The following SYCP1 variants were observed in gnomAD, a reference collection of about 807,000 sequenced individuals.
The protein encoded by SYCP1 is cancer/testis antigen 8.
Under a neutral mutation model 153.1 loss-of-function variants are expected in SYCP1, and 64 were observed. The observed-to-expected ratio is 0.42, with a 90% CI of 0.34 to 0.51. The LOEUF is 0.51. Ranked by LOEUF, SYCP1 falls within the 20% of genes least tolerant of loss-of-function variation. The pLI is 0.06. For missense variants in SYCP1, 997 were observed against 1,049.0 expected, an observed-to-expected ratio of 0.95 and a Z score of 0.68; for synonymous variants, 384 against 341.8, an observed-to-expected ratio of 1.12 and a Z score of -1.36.
At chr1:114,930,494 C>T (rs1669555012) in intron 23 of SYCP1, among the ~76,000 whole-genome samples, 3 of 151,754 alleles carry the variant, frequency 2.0e-5, no homozygotes, top group African/African-American at 7.3e-5. Flanking sequence ...ATAGATAATA[C>T]AAGCATTAAA....
intron 22 of SYCP1, 66 bp downstream of exon 22, chr1:114,926,406 T>A (rs1422419868): frequency 6.7e-7 from 1 of 1,488,624 alleles, no homozygotes; most frequent in Non-Finnish European, 9.0e-7. Flanking sequence ...TAGAGAATAA[T>A]GCTTTCCCTT....
intron 16 of SYCP1, among the ~76,000 whole-genome samples, chr1:114,897,371 T>C (rs1294601355): frequency 6.6e-6 from 1 of 152,070 alleles, no homozygotes; most frequent in Non-Finnish European, 1.5e-5. Flanking sequence ...TTAGAAAATA[T>C]GTATCAAAAT....
At chr1:114,873,880 T>A (rs1183505215) in intron 8 of SYCP1, among the ~76,000 whole-genome samples, 2 of 152,170 alleles carry the variant, frequency 1.3e-5, no homozygotes, top group Non-Finnish European at 2.9e-5. Flanking sequence ...TATAGGCATG[T>A]GGTACTATGC....
At chr1:114,892,723 TGCTGTTGGTAGGG>T (rs1666804509) in intron 15 of SYCP1, among the ~76,000 whole-genome samples, 1 of 152,106 alleles carries the variant, frequency 6.6e-6, no homozygotes, top group Non-Finnish European at 1.5e-5. Context: ...GCTGCAGTCC[TGCTGTTGGTAGGG>T]GGCAGGGTTG....
At chr1:114,932,849 G>C (rs1669728680) in intron 23 of SYCP1, among the ~76,000 whole-genome samples, 1 of 152,210 alleles carries the variant, frequency 6.6e-6, no homozygotes, top group African/African-American at 2.4e-5. Context: ...CAGTGAGACT[G>C]GGGGAGGGGC....
At chr1:114,987,876 A>C (rs567103451) in intron 30 of SYCP1, among the ~76,000 whole-genome samples, 127 of 151,968 alleles carry the variant, frequency 8.4e-4, no homozygotes, top group Non-Finnish European at 1.4e-3. Flanking sequence ...AGAAAAAAAA[A>C]CCCTAATTTT....
intron 16 of SYCP1, among the ~76,000 whole-genome samples, chr1:114,909,209 A>C (rs1481060899): frequency 1.3e-5 from 2 of 152,042 alleles, no homozygotes; most frequent in Admixed American, 6.6e-5. Flanking sequence ...ATATTCTGGC[A>C]GCTGGTTGTG....
chr1:114,950,144 A>C (rs1280058758), intron 27 of SYCP1, among the ~76,000 whole-genome samples: 1 of 152,234 alleles, frequency 6.6e-6, no homozygotes, highest in Admixed American at 6.5e-5. Flanking sequence ...GAATGTGAGC[A>C]AAAGTGGCTT....
At chr1:114,964,537 T>A (rs1671984091) in intron 27 of SYCP1, among the ~76,000 whole-genome samples, 1 of 152,200 alleles carries the variant, frequency 6.6e-6, no homozygotes, top group South Asian at 2.1e-4. Context: ...TAATCCATCT[T>A]GAGTTAATTT....
At chr1:114,901,726 G>C (rs1039656244) in intron 16 of SYCP1, among the ~76,000 whole-genome samples, 7 of 152,176 alleles carry the variant, frequency 4.6e-5, no homozygotes, top group African/African-American at 1.7e-4. Context: ...AGCTTAAGAC[G>C]AACCTCACAA....
At position 114,866,924 on chromosome 1, in the gene SYCP1, A is replaced by G. The variant is rs191565462; in HGVS notation, c.598+6115A>G. Among the ~76,000 whole-genome samples the G allele has an allele frequency of 3.6e-3, 536 of 149,978 alleles. 3 individuals are homozygous for G. Among genetic ancestry groups the G allele is most frequent in the Non-Finnish European group, 4.3e-3 (289 of 67,538 alleles). On this transcript the variant is annotated intron_variant, in intron 8 of 31. Coordinates refer to ENST00000369522, the MANE Select transcript of SYCP1 (RefSeq NM_003176.4). ...ATTCTTTTTTTTTTTTTGCATGCAG[A>G]TGTCCACTTGTTTCAGCATCATTTG... is the stretch of plus-strand genomic sequence containing the variant.
intron 27 of SYCP1, among the ~76,000 whole-genome samples, chr1:114,975,417 C>T (rs967420040): frequency 2.7e-5 from 4 of 150,296 alleles, no homozygotes; most frequent in Admixed American, 2.0e-4. Context: ...TATTGATTAC[C>T]TTTATATTTT....
At chr1:114,911,086 T>G (rs360658) in intron 17 of SYCP1, among the ~76,000 whole-genome samples, 58,448 of 151,762 alleles carry the variant, frequency 0.39, 12,499 homozygotes, top group East Asian at 0.5. Context: ...TTTACAATAA[T>G]AAGAACATTA....
chr1:114,941,747 C>T (rs1670405113), intron 23 of SYCP1, among the ~76,000 whole-genome samples: 1 of 151,976 alleles, frequency 6.6e-6, no homozygotes. Context: ...CTAAAATGCT[C>T]CCAAGTCCAA....
chr1:114,905,598 A>G (rs1394516034), intron 16 of SYCP1, among the ~76,000 whole-genome samples: 4 of 152,200 alleles, frequency 2.6e-5, no homozygotes, highest in Admixed American at 1.3e-4. Context: ...GAGTTGTTTT[A>G]TGCTCCATAG....
At chr1:114,881,568 C>T (rs763651085) in intron 12 of SYCP1, among the ~76,000 whole-genome samples, 5 of 141,338 alleles carry the variant, frequency 3.5e-5, no homozygotes, top group Non-Finnish European at 6.3e-5. Flanking sequence ...GCTCTGTTGC[C>T]CAGGCTGGAG....
intron 22 of SYCP1, 38 bp downstream of exon 22, chr1:114,926,378 A>G (rs1283276049): frequency 6.6e-7 from 1 of 1,505,558 alleles, no homozygotes; most frequent in Non-Finnish European, 8.9e-7. Flanking sequence ...AATCAAACTG[A>G]TATTTTCACC....
chr1:114,905,014 C>T (rs1667723859), intron 16 of SYCP1, among the ~76,000 whole-genome samples: 1 of 152,148 alleles, frequency 6.6e-6, no homozygotes, highest in South Asian at 2.1e-4. Flanking sequence ...ATGAACCTTG[C>T]ATTTCCAGGA....
intron 27 of SYCP1, among the ~76,000 whole-genome samples, chr1:114,960,443 C>T (rs12026125): frequency 0.19 from 28,297 of 152,118 alleles, 3,149 homozygotes; most frequent in East Asian, 0.45. Context: ...GCTGGGATTA[C>T]GGGCGTGAGC....
Sources: gnomAD v4.1 joint callset for allele counts (sites outside exome capture counted in the v4.1 genomes callset) on GRCh38, gnomAD v4.1.1 for gene constraint, MANE v1.5 for transcripts, NCBI Gene and HGNC (gene_info 2026-07-23, HGNC 2026-07-21) for gene names.